The following ALKBH1 variants were observed in gnomAD, a reference collection of about 807,000 sequenced individuals.
ALKBH1 encodes alkB homolog 1, histone H2A dioxygenase.
ALKBH1 carries 31 observed loss-of-function variants against 36.6 expected under a neutral mutation model. That is an observed-to-expected ratio of 0.85 (90% confidence interval 0.64 to 1.14). The LOEUF is 1.14. Among genes scored for constraint, ALKBH1 ranks in the 50% most tolerant of loss-of-function variants. The pLI is 0.00. For synonymous variants in ALKBH1, 183 were observed against 186.6 expected (o/e 0.98, Z 0.16); for missense variants, 490 against 497.3 (o/e 0.99, Z 0.14).
intron 3 of ALKBH1, among the ~76,000 whole-genome samples, chr14:77,688,646 G>T (rs7152638): frequency 9.0e-4 from 135 of 150,518 alleles, no homozygotes; most frequent in Admixed American, 4.1e-3. Flanking sequence ...TCCACCTGCC[G>T]GGTTCAAGCG....
At chr14:77,682,057 A>C (rs1399468335) in intron 3 of ALKBH1, among the ~76,000 whole-genome samples, 4 of 152,112 alleles carry the variant, frequency 2.6e-5, no homozygotes, top group African/African-American at 9.7e-5. Flanking sequence ...CGAATCATCA[A>C]ATTTGGGTGT....
intron 3 of ALKBH1, among the ~76,000 whole-genome samples, chr14:77,686,534 C>T (rs954711953): frequency 6.6e-5 from 10 of 152,232 alleles, no homozygotes; most frequent in African/African-American, 2.4e-4. Context: ...GGTTGGCCAC[C>T]TTCTCCCCTG....
intron 4 of ALKBH1, 141 bp downstream of exon 4, chr14:77,679,738 GA>G (rs1178658524): frequency 1.5e-6 from 1 of 657,188 alleles, no homozygotes; most frequent in Non-Finnish European, 2.6e-6. Flanking sequence ...GCCCAGTTGA[GA>G]TTTTTTAAGG....
intron 3 of ALKBH1, among the ~76,000 whole-genome samples, chr14:77,684,498 A>G (rs1045500095): frequency 2.6e-5 from 4 of 151,894 alleles, no homozygotes; most frequent in African/African-American, 9.7e-5. Flanking sequence ...AGGAGCTTGG[A>G]TTACAGGCAT....
chr14:77,691,697 G>A (rs1228880435), intron 3 of ALKBH1: 1 of 151,874 alleles, frequency 6.6e-6, no homozygotes, highest in African/African-American at 2.4e-5. Flanking sequence ...TTTTATTTCT[G>A]CTAATTTATT....
At chr14:77,697,643 T>C (rs554642896) in intron 2 of ALKBH1, among the ~76,000 whole-genome samples, 4 of 150,626 alleles carry the variant, frequency 2.7e-5, no homozygotes, top group Admixed American at 2.0e-4. Context: ...TGCAGGTTTT[T>C]TGGGAGGAGG....
chr14:77,707,950 C>G lies in ALKBH1; in HGVS notation c.55G>C (p.Gly19Arg), dbSNP rs529612931. The change falls in exon 1 of 6, where the codon GGG becomes CGG. Residue 19 changes from glycine (G) to arginine (R), a missense_variant. Physicochemically the swap from Gly to Arg is moderately radical, Grantham distance 125 (BLOSUM62 -2). Coordinates refer to ENST00000216489, the MANE Select transcript of ALKBH1 (RefSeq NM_006020.3). ...GSVATLATEP[G>R]EDAFRKLFRF... is the part of the protein sequence containing the mutation. ...AAAAGTTTCCGAAAGGCGTCCTCCC[C>G]GGGCTCAGTCGCCAGAGTCGCCACA... The G allele has an allele frequency of 1.9e-5, 30 of 1,613,102 alleles. No individual in the cohort carries two copies. Among genetic ancestry groups the G allele is most frequent in the African/African-American group, 1.3e-4 (10 of 74,934 alleles).
intron 3 of ALKBH1, among the ~76,000 whole-genome samples, chr14:77,685,218 G>A (rs547019154): frequency 1.3e-5 from 2 of 152,034 alleles, no homozygotes; most frequent in African/African-American, 2.4e-5. Flanking sequence ...TGAGATGGGC[G>A]GATCTCTTAA....
chr14:77,680,677 C>CTCTTTTTTTTTTTTTTTTTTTTTTT (rs774703181), intron 3 of ALKBH1, among the ~76,000 whole-genome samples: 7 of 124,334 alleles, frequency 5.6e-5, no homozygotes, highest in African/African-American at 2.2e-4. Context: ...ATTAACTACT[C>CTCTTTTTTTTTTTTTTTTTTTTTTT]TTTTTTTTTT....
At chr14:77,681,478 C>G (rs1392982623) in intron 3 of ALKBH1, among the ~76,000 whole-genome samples, 1 of 152,150 alleles carries the variant, frequency 6.6e-6, no homozygotes, top group African/African-American at 2.4e-5. Context: ...TGATGTTTGA[C>G]GAAGAGTTTA....
chr14:77,687,630 C>A (rs571736531), intron 3 of ALKBH1, among the ~76,000 whole-genome samples: 1 of 152,162 alleles, frequency 6.6e-6, no homozygotes, highest in East Asian at 1.9e-4. Context: ...TTCATTACAC[C>A]AATTAATTGT....
intron 3 of ALKBH1, among the ~76,000 whole-genome samples, chr14:77,688,407 T>C (rs1595053080): frequency 6.6e-6 from 1 of 152,118 alleles, no homozygotes; most frequent in East Asian, 1.9e-4. Flanking sequence ...AGGTGCGTGC[T>C]GCCATGTCCG....
intron 4 of ALKBH1, among the ~76,000 whole-genome samples, chr14:77,678,494 A>AT (rs1048305460): frequency 6.6e-5 from 10 of 151,154 alleles, no homozygotes; most frequent in Non-Finnish European, 1.0e-4. Context: ...GGTCGAGGCT[A>AT]TAGTGATTGT....
At chr14:77,707,697 A>C (rs1273269691) in intron 1 of ALKBH1, 125 bp downstream of exon 1, 5 of 1,117,150 alleles carry the variant, frequency 4.5e-6, no homozygotes, top group Non-Finnish European at 6.1e-6. Context: ...TCTGCAGCCA[A>C]AGGAGGTCAG....
chr14:77,706,092 TATATACACACACAC>T (rs889237853), intron 1 of ALKBH1, among the ~76,000 whole-genome samples: 3 of 121,092 alleles, frequency 2.5e-5, no homozygotes, highest in African/African-American at 8.7e-5. Flanking sequence ...TACACACACA[TATATACACACACAC>T]ATATATATAT....
intron 3 of ALKBH1, among the ~76,000 whole-genome samples, chr14:77,685,573 T>C (rs561926254): frequency 1.4e-4 from 22 of 151,996 alleles, no homozygotes; most frequent in African/African-American, 5.3e-4. Flanking sequence ...GCTCAGAAGT[T>C]GGAGAACCAG....
At chr14:77,684,393 C>T (rs1277093112) in intron 3 of ALKBH1, among the ~76,000 whole-genome samples, 1 of 151,256 alleles carries the variant, frequency 6.6e-6, no homozygotes, top group Non-Finnish European at 1.5e-5. Context: ...CGGAGTTTTG[C>T]TTTTGTTGCC....
At chr14:77,675,250 C>T (rs3783983) in intron 5 of ALKBH1, among the ~76,000 whole-genome samples, 24,307 of 151,086 alleles carry the variant, frequency 0.16, 2,028 homozygotes, top group East Asian at 0.25. Context: ...CTGGGCAACA[C>T]GATGAAACCC....
At chr14:77,675,548 C>T in intron 5 of ALKBH1, 108 bp downstream of exon 5, 1 of 967,486 alleles carries the variant, frequency 1.0e-6, no homozygotes, top group Non-Finnish European at 1.5e-6. Context: ...ATTATAGAGT[C>T]CAACCACTTT....
Sources: gnomAD v4.1 joint callset for allele counts (sites outside exome capture counted in the v4.1 genomes callset) on GRCh38, gnomAD v4.1.1 for gene constraint, MANE v1.5 for transcripts, NCBI Gene and HGNC (gene_info 2026-07-23, HGNC 2026-07-21) for gene names.